Variants in MMEL1 observed in about 807,000 individuals in gnomAD.
MMEL1 encodes membrane metalloendopeptidase like 1.
A neutral mutation model predicts 117.1 loss-of-function variants in MMEL1; 98 were observed. The observed-to-expected ratio is 0.84, with a 90% CI of 0.71 to 0.99. The LOEUF is 0.99. Ranked by LOEUF, MMEL1 falls within the 50% of genes least tolerant of loss-of-function variation. MMEL1 has a pLI of 0.00. For missense variants in MMEL1, 1,014 were observed against 1,049.1 expected, an observed-to-expected ratio of 0.97 and a Z score of 0.46; for synonymous variants, 390 against 415.1, an observed-to-expected ratio of 0.94 and a Z score of 0.74.
In MMEL1 at chr1:2,592,045, G is replaced by A. The variant is rs1644727765; in HGVS notation, c.2068-18C>T. The A allele has an allele frequency of 1.2e-6, 2 of 1,607,824 alleles. No homozygotes were observed. The highest frequency in any genetic ancestry group is 2.2e-5 in the South Asian group (2 of 90,942). ...AGGTAGGCCTGCAGGCACCAGACAG[G>A]AGCTGAGCTCAGGCCTGCCAGCCTG... On this transcript the variant is annotated intron_variant, in intron 21 of 23. Transcript: ENST00000378412.
rs766288496 is a variant in MMEL1, at chr1:2,590,999, G to A, written c.2331C>T (p.Arg777=). ...CGCGGCAGGGCCTTGGCTACCACAC[G>A]CGGCATCGCTCCTTGGGGTGCATGG... is the stretch of plus-strand genomic sequence containing the variant. The part of the protein sequence containing the change: ...GTPMHPKERC[R]VW The change falls in exon 24 of 24, where the codon CGC becomes CGT. Residue 777 remains arginine, a synonymous_variant. Coordinates refer to ENST00000378412, the MANE Select transcript of MMEL1 (RefSeq NM_033467.4). The A allele has an allele frequency of 2.0e-5, 32 of 1,589,898 alleles. No individual in the cohort carries two copies. The South Asian group carries it at 2.6e-4, about 13-fold the overall frequency.
chr1:2,608,164 G>A (rs60687045), intron 6 of MMEL1, among the ~76,000 whole-genome samples: 60,230 of 151,942 alleles, frequency 0.4, 12,650 homozygotes, highest in African/African-American at 0.51. Context: ...ACCCAAGCAG[G>A]GGTCTCACGG....
rs1373648380 is a variant in MMEL1 at position 2,629,404 on chromosome 1, C to T, written c.81G>A (p.Gly27=). ...CCAGCAGCAGCAGCAGCAGCAGCCC[C>T]CCCTCCAGGAACCCCGGGCGCTTCT... is the stretch of plus-strand genomic sequence containing the variant. The part of the protein sequence containing the change: ...AGQKRPGFLE[G]GLLLLLLLVT... The change falls in exon 2 of 24, where the codon GGG becomes GGA. Residue 27 remains glycine (G), a synonymous_variant. Transcript: ENST00000378412. 6.5e-7 allele frequency: 1 copy of T among 1,546,548 alleles called. No individual in the cohort carries two copies. Among genetic ancestry groups the T allele is most frequent in the South Asian group, 1.2e-5 (1 of 83,996 alleles).
In MMEL1 at chr1:2,603,858, C is replaced by T. The variant is rs540280148; in HGVS notation, c.1041+26G>A. 1.0e-4 allele frequency: 165 copies of T among 1,608,008 alleles called. No homozygotes were observed. In the Admixed American group the frequency reaches 2.4e-3, roughly 23 times the overall value. On this transcript the variant is annotated intron_variant, in intron 11 of 23. Transcript: ENST00000378412. ...CCACGAGTCTCCACCCGGCCAGTGC[C>T]GGCCTCCTGTGTGGTGTGGCCTCAC... is the stretch of plus-strand genomic sequence containing the variant.
intron 1 of MMEL1, among the ~76,000 whole-genome samples, chr1:2,630,408 G>T (rs191484318): frequency 0.017 from 2,633 of 152,350 alleles, 80 homozygotes; most frequent in African/African-American, 0.056. Context: ...GTGTGCACAT[G>T]TTCTGGTGTG....
chr1:2,619,492 T>C (rs867699258), intron 2 of MMEL1, among the ~76,000 whole-genome samples: 3 of 152,036 alleles, frequency 2.0e-5, no homozygotes, highest in African/African-American at 2.4e-5. Flanking sequence ...ACCCCGTCTC[T>C]ACTAAAATTA....
At position 2,598,315 on chromosome 1, in the gene MMEL1, T is replaced by TAG. The variant is rs1644879395; in HGVS notation, c.1179-17_1179-16dup. Reference sequence around the variant, plus strand: ...TCTGTATGGTCCTGGGGGCAGAAGGTAGAGGGTGAGGGGAGAACAGGTGAG... The same window carrying TAG: ...TCTGTATGGTCCTGGGGGCAGAAGGTAGAGAGGGTGAGGGGAGAACAGGTGAG... On this transcript the variant is annotated splice_polypyrimidine_tract_variant and intron_variant, in intron 12 of 23. Transcript: ENST00000378412. 6.2e-7 allele frequency: 1 copy of TAG among 1,612,676 alleles called. No homozygotes were observed. Among genetic ancestry groups the TAG allele is most frequent in the Non-Finnish European group, 8.5e-7 (1 of 1,179,180 alleles).
At chr1:2,613,167 G>C (rs1356523648) in intron 2 of MMEL1, among the ~76,000 whole-genome samples, 2 of 152,214 alleles carry the variant, frequency 1.3e-5, no homozygotes, top group Non-Finnish European at 2.9e-5. Context: ...CCCTCAAGGA[G>C]CCCCCCGCCC....
intron 18 of MMEL1, 25 bp from the exon 19 acceptor site, chr1:2,593,958 A>G (rs1644788407): frequency 6.3e-7 from 1 of 1,575,798 alleles, no homozygotes; most frequent in African/African-American, 1.4e-5. Flanking sequence ...GGGACAAAGA[A>G]TAAGCTGTGA....
At chr1:2,591,535 G>T (rs370110343) in intron 23 of MMEL1, 22 bp downstream of exon 23, 1 of 1,604,904 alleles carries the variant, frequency 6.2e-7, no homozygotes. Context: ...TGGCAAGGGG[G>T]TTGTGAGCAT....
At chr1:2,617,612 C>G (rs1645224737) in intron 2 of MMEL1, among the ~76,000 whole-genome samples, 1 of 152,030 alleles carries the variant, frequency 6.6e-6, no homozygotes, top group South Asian at 2.1e-4. Context: ...AAAAAAGAAG[C>G]TTGTGAGGTT....
intron 11 of MMEL1, among the ~76,000 whole-genome samples, chr1:2,600,924 C>G (rs1644921653): frequency 6.6e-6 from 1 of 152,120 alleles, no homozygotes; most frequent in Non-Finnish European, 1.5e-5. Flanking sequence ...GAACTTGACA[C>G]TGAAAGCTTT....
At chr1:2,605,495 G>T in intron 9 of MMEL1, 63 bp downstream of exon 9, 1 of 1,456,862 alleles carries the variant, frequency 6.9e-7, no homozygotes, top group Non-Finnish European at 9.6e-7. Context: ...CAACGGGAAG[G>T]CCAGACCACG....
Position 2,595,392 on chromosome 1 carries a change from C to A in MMEL1, c.1501-33G>T. On this transcript the variant is annotated intron_variant, in intron 15 of 23. Transcript: ENST00000378412. The surrounding 1 kb of genome is among the most constrained non-coding windows in gnomAD (Gnocchi z 4.8). ...GGGAGGAGGGACTGGTCAGTGGGTG[C>A]CCCACTGCGGATGGAGTCAGCCCGG... 1 of 1,590,832 alleles carries A rather than the reference C, an allele frequency of 6.3e-7. No individual in the cohort carries two copies. Among genetic ancestry groups the A allele is most frequent in the Non-Finnish European group, 8.6e-7 (1 of 1,159,644 alleles).
chr1:2,596,487 A>G, intron 14 of MMEL1, 74 bp downstream of exon 14: 1 of 1,558,416 alleles, frequency 6.4e-7, no homozygotes. Flanking sequence ...GCGGGGTGGG[A>G]GTCTCAGGGC....
chr1:2,627,526 C>T (rs903735639), intron 2 of MMEL1, among the ~76,000 whole-genome samples: 1 of 152,042 alleles, frequency 6.6e-6, no homozygotes, highest in African/African-American at 2.4e-5. Flanking sequence ...TTTATAAAAT[C>T]GATCAAGTGT....
chr1:2,609,639 C>T, intron 5 of MMEL1, 31 bp downstream of exon 5: 1 of 1,590,006 alleles, frequency 6.3e-7, no homozygotes, highest in Non-Finnish European at 8.6e-7. Context: ...TTCGGCGTCA[C>T]CCCACTGCAC....
intron 13 of MMEL1, among the ~76,000 whole-genome samples, chr1:2,597,152 C>A (rs371121352): frequency 1.3e-5 from 2 of 152,086 alleles, no homozygotes; most frequent in African/African-American, 2.4e-5. Flanking sequence ...CACAGGAGCA[C>A]GAGACTCTGG....
chr1:2,614,260 AT>A (rs1645171124), intron 2 of MMEL1, among the ~76,000 whole-genome samples: 1 of 152,248 alleles, frequency 6.6e-6, no homozygotes, highest in Admixed American at 6.5e-5. Context: ...TCTCACTGAA[AT>A]GGATAGGGGA....
Sources: allele counts gnomAD v4.1 joint callset (sites outside exome capture counted in the v4.1 genomes callset), GRCh38; gene constraint gnomAD v4.1.1; non-coding constraint Gnocchi (gnomAD v3.1); transcripts MANE v1.5; gene names NCBI Gene and HGNC (gene_info 2026-07-23, HGNC 2026-07-21).